The following THAP4 variants were observed in gnomAD, a reference collection of about 807,000 sequenced individuals.
THAP4 encodes the protein peroxynitrite isomerase THAP4.
In THAP4, 18 loss-of-function variants were observed where a neutral mutation model predicts 48.1. The ratio of observed to expected loss-of-function variants is 0.37; its 90% confidence interval spans 0.26 to 0.56. The LOEUF (loss-of-function observed/expected upper bound fraction) is 0.56, where lower values mean the gene tolerates loss of function less well. Ranked by LOEUF, THAP4 falls within the 20% of genes least tolerant of loss-of-function variation. The pLI is 0.78. For missense variants in THAP4, 656 were observed against 774.9 expected (o/e 0.85, Z 1.82); for synonymous variants, 345 against 324.9 (o/e 1.06, Z -0.66).
rs2067263559 is a variant in THAP4 at position 241,610,857 on chromosome 2, G to A, written c.1241-4384C>T. On this transcript the variant is annotated intron_variant, in intron 2 of 5. Transcript: ENST00000407315. This position sits in a 1 kb window ranked among gnomAD's most constrained non-coding sequence, Gnocchi z 4.2. The stretch of plus-strand genomic sequence containing the variant: ...ACAGAGACAGAGAGACAGGGCCAGA[G>A]AGACACGGGGATGGGGCCAGAGACG... Among the ~76,000 whole-genome samples, 1 of 152,020 alleles carries A rather than the reference G, an allele frequency of 6.6e-6. No homozygotes were observed. The highest frequency in any genetic ancestry group is 1.5e-5 in the Non-Finnish European group (1 of 68,012).
Position 241,636,223 on chromosome 2 carries a change from C to G in THAP4, c.77+718G>C, listed in dbSNP as rs527579580. Among the ~76,000 whole-genome samples the G allele has an allele frequency of 1.1e-4, 17 of 152,370 alleles. No individual in the cohort carries two copies. The East Asian group carries it at 2.1e-3, about 19-fold the overall frequency. ...TATAAATAACACGTGCCATTCCCGT[C>G]TTTAAAACTTAAATAACACCATGCA... On this transcript the variant is annotated intron_variant, in intron 1 of 5. Transcript: ENST00000407315.
chr2:241,633,141 C>T lies in THAP4; in HGVS notation c.1016G>A (p.Cys339Tyr). 6.2e-7 allele frequency: 1 copy of T among 1,611,028 alleles called. No individual in the cohort carries two copies. The highest frequency in any genetic ancestry group is 1.1e-5 in the South Asian group (1 of 90,774). Residue 339 changes from cysteine to tyrosine, a missense_variant, in exon 2 of 6, where the codon TGC becomes TAC. Transcript: ENST00000407315. This position sits in a 1 kb window ranked among gnomAD's most constrained non-coding sequence, Gnocchi z 7.5. Reference sequence around the variant, plus strand: ...GGAGTGCAGTGAGTCGATGAGCTTGCAGGCCCCTGACGCCGACAGGATGAC... The same window carrying T: ...GGAGTGCAGTGAGTCGATGAGCTTGTAGGCCCCTGACGCCGACAGGATGAC... ...NEVILSASGACKLIDSLHSYC... is the reference protein window; with the variant it reads ...NEVILSASGAYKLIDSLHSYC...
intron 5 of THAP4, among the ~76,000 whole-genome samples, chr2:241,600,243 G>A (rs1162628562): frequency 6.6e-6 from 1 of 152,144 alleles, no homozygotes. Context: ...TATTTATGTG[G>A]ATGTGCTTTA....
chr2:241,624,750 C>T (rs2067476555), intron 2 of THAP4, among the ~76,000 whole-genome samples: 1 of 152,180 alleles, frequency 6.6e-6, no homozygotes. Context: ...GGCTCAAAGC[C>T]CCTAGCTTCT....
intron 2 of THAP4, among the ~76,000 whole-genome samples, chr2:241,613,480 G>A (rs756041456): frequency 4.6e-5 from 7 of 152,186 alleles, no homozygotes; most frequent in Non-Finnish European, 1.0e-4. Context: ...TGGGCCGGTT[G>A]CAGTGGCTCA....
chr2:241,609,823 G>A (rs2067240976), intron 2 of THAP4, among the ~76,000 whole-genome samples: 1 of 152,082 alleles, frequency 6.6e-6, no homozygotes, highest in Non-Finnish European at 1.5e-5. Flanking sequence ...CAAACCTCAG[G>A]TTTTTGGGCC....
rs531274905 is a variant in THAP4, at chr2:241,631,893, CTTTTTT to C, written c.1240+1018_1240+1023del. ...TTGCAACAGAGAATGTATTGTATTT[CTTTTTT>C]TTTTTTTTTCTCTTTTGAGACAGAG... On this transcript the variant is annotated intron_variant, in intron 2 of 5. Coordinates refer to ENST00000407315, the MANE Select transcript of THAP4 (RefSeq NM_015963.6). Among the ~76,000 whole-genome samples, 12 of 141,590 alleles carry C rather than the reference CTTTTTT, an allele frequency of 8.5e-5. No homozygotes were observed. In the East Asian group the frequency reaches 2.5e-3, roughly 29 times the overall value. The allele number at this position is 141,590 out of a possible 152,430, so 92.9% of individuals were successfully genotyped here.
intron 2 of THAP4, among the ~76,000 whole-genome samples, chr2:241,607,734 C>T (rs1366429973): frequency 7.7e-6 from 1 of 129,292 alleles, no homozygotes; most frequent in Non-Finnish European, 1.7e-5. Flanking sequence ...AGGACTGACC[C>T]CCAGTGTCTC....
chr2:241,603,263 C>T (rs2067141116), intron 3 of THAP4, among the ~76,000 whole-genome samples, 184 bp from the exon 4 acceptor site: 1 of 152,020 alleles, frequency 6.6e-6, no homozygotes, highest in Non-Finnish European at 1.5e-5. Flanking sequence ...TGACCCTCCA[C>T]TCCTGAAGAC....
rs1275182476 is a variant in THAP4, at chr2:241,636,927, CG to C, written c.77+13del. The stretch of plus-strand genomic sequence containing the variant: ...GGGTCGGGGCGGGGGCGTGGCGGCC[CG>C]GGGCCCGCGTACCTGTGGAAGGAGA... On this transcript the variant is annotated intron_variant, in intron 1 of 5. Coordinates refer to ENST00000407315, the MANE Select transcript of THAP4 (RefSeq NM_015963.6). The C allele has an allele frequency of 7.3e-6, 9 of 1,239,566 alleles. No homozygotes were observed. The highest frequency in any genetic ancestry group is 2.8e-5 in the South Asian group (2 of 70,792). 76.8% of individuals were successfully genotyped at this position (1,239,566 alleles called of 1,614,324 possible).
chr2:241,602,926 A>G, intron 4 of THAP4, 44 bp downstream of exon 4: 1 of 1,445,520 alleles, frequency 6.9e-7, no homozygotes, highest in Non-Finnish European at 9.7e-7. Context: ...TGCAGGCAGC[A>G]GCCTCCCATG....
At chr2:241,622,845 C>T (rs2067448849) in intron 2 of THAP4, among the ~76,000 whole-genome samples, 5 of 152,172 alleles carry the variant, frequency 3.3e-5, no homozygotes, top group Admixed American at 3.3e-4. Context: ...TCAAGCAATC[C>T]TCACACCTCA....
intron 5 of THAP4, among the ~76,000 whole-genome samples, chr2:241,588,974 G>A (rs1467208829): frequency 6.6e-6 from 1 of 152,128 alleles, no homozygotes; most frequent in Non-Finnish European, 1.5e-5. Context: ...CAGCGCTTTG[G>A]GAGACCAACG....
chr2:241,600,385 T>C (rs1218541456), intron 5 of THAP4, among the ~76,000 whole-genome samples: 2 of 151,918 alleles, frequency 1.3e-5, no homozygotes, highest in East Asian at 3.9e-4. Flanking sequence ...GTGAGAGAGA[T>C]TAAAGGTCTA....
intron 5 of THAP4, among the ~76,000 whole-genome samples, chr2:241,595,491 G>C (rs2067036425): frequency 6.6e-6 from 1 of 151,954 alleles, no homozygotes; most frequent in Non-Finnish European, 1.5e-5. Context: ...TATTAAATTA[G>C]CCCAGCATGA....
In THAP4 at chr2:241,630,215, C is replaced by T. The variant is rs140901552; in HGVS notation, c.1240+2702G>A. Among the ~76,000 whole-genome samples, 614 of 152,216 alleles carry T rather than the reference C, an allele frequency of 4.0e-3. 4 individuals carry two copies. The highest frequency in any genetic ancestry group is 0.014 in the African/African-American group (587 of 41,532). On this transcript the variant is annotated intron_variant, in intron 2 of 5. Coordinates refer to ENST00000407315, the MANE Select transcript of THAP4 (RefSeq NM_015963.6). ...GGGGCATCGAGGCTGGAATTACAAA[C>T]GACTCAGAAATGAACAGCAACAAAA...
At chr2:241,592,175 G>C (rs1225610645) in intron 5 of THAP4, 1 of 152,278 alleles carries the variant, frequency 6.6e-6, no homozygotes. Flanking sequence ...CAGGAAGCGG[G>C]GAGGCTCTGC....
intron 4 of THAP4, 118 bp downstream of exon 4, chr2:241,602,852 C>A: frequency 2.6e-6 from 2 of 779,860 alleles, no homozygotes; most frequent in East Asian, 5.1e-5. Context: ...GCCATCCCCA[C>A]GGTCCCCACC....
At chr2:241,600,493 C>T (rs921784859) in intron 5 of THAP4, among the ~76,000 whole-genome samples, 5 of 151,656 alleles carry the variant, frequency 3.3e-5, no homozygotes, top group South Asian at 4.2e-4. Context: ...TTTGGGAGGC[C>T]GAGGCAGGTG....
Sources: allele counts gnomAD v4.1 joint callset (sites outside exome capture counted in the v4.1 genomes callset), GRCh38; gene constraint gnomAD v4.1.1; non-coding constraint Gnocchi (gnomAD v3.1); transcripts MANE v1.5; gene names NCBI Gene and HGNC (gene_info 2026-07-23, HGNC 2026-07-21).